Variants in ATXN7L1 observed in about 807,000 individuals in gnomAD.
ATXN7L1 encodes ataxin 7 like 1, also known as ataxin-7-like protein 1.
In ATXN7L1, 15 loss-of-function variants were observed where a neutral mutation model predicts 70.8. That is an observed-to-expected ratio of 0.21 (90% CI 0.14 to 0.33). ATXN7L1 has a LOEUF of 0.33. ATXN7L1 is among the 10% of genes least tolerant of loss of function. The pLI is 1.00. For missense variants in ATXN7L1, 975 were observed against 1,097.1 expected, an observed-to-expected ratio of 0.89 and a Z score of 1.57; for synonymous variants, 440 against 445.1, an observed-to-expected ratio of 0.99 and a Z score of 0.14.
chr7:105,842,013 G>A (rs1031063606), intron 2 of ATXN7L1, among the ~76,000 whole-genome samples: 4 of 152,114 alleles, frequency 2.6e-5, no homozygotes, highest in South Asian at 2.1e-4. Context: ...GAAGTTGCCC[G>A]GCTGGAATGT....
intron 9 of ATXN7L1, among the ~76,000 whole-genome samples, chr7:105,619,827 G>A (rs1794666301): frequency 6.6e-6 from 1 of 151,886 alleles, no homozygotes; most frequent in African/African-American, 2.4e-5. Flanking sequence ...CAAGCGCTGG[G>A]ATTACAGGCG....
intron 3 of ATXN7L1, among the ~76,000 whole-genome samples, chr7:105,682,235 C>A (rs1277036003): frequency 6.6e-6 from 1 of 151,654 alleles, no homozygotes; most frequent in African/African-American, 2.4e-5. Flanking sequence ...AAACAAAAAA[C>A]AAAAAACAAA....
intron 3 of ATXN7L1, among the ~76,000 whole-genome samples, chr7:105,720,814 C>G (rs578051843): frequency 2.0e-5 from 3 of 152,102 alleles, no homozygotes; most frequent in African/African-American, 7.2e-5. Flanking sequence ...TGGGTATCCA[C>G]TGGAAAATTC....
chr7:105,778,871 C>T (rs1179889002), intron 3 of ATXN7L1, among the ~76,000 whole-genome samples: 1 of 152,198 alleles, frequency 6.6e-6, no homozygotes. Context: ...TAAACACATT[C>T]CCTATTACCA....
chr7:105,720,258 C>A (rs1795030541), intron 3 of ATXN7L1, among the ~76,000 whole-genome samples: 2 of 152,170 alleles, frequency 1.3e-5, no homozygotes, highest in South Asian at 4.1e-4. Flanking sequence ...CTGCCTCTTG[C>A]CTACAGTGCT....
intron 3 of ATXN7L1, among the ~76,000 whole-genome samples, chr7:105,778,623 T>C (rs1488363965): frequency 6.6e-6 from 1 of 152,158 alleles, no homozygotes; most frequent in African/African-American, 2.4e-5. Flanking sequence ...GTGTGCTTAT[T>C]TGCAACATTT....
chr7:105,739,156 C>A (rs1447099911), intron 3 of ATXN7L1, among the ~76,000 whole-genome samples: 1 of 152,188 alleles, frequency 6.6e-6, no homozygotes, highest in Non-Finnish European at 1.5e-5. Flanking sequence ...GGAACCATGC[C>A]TTAAGGCCTT....
At chr7:105,863,526 T>C (rs546258961) in intron 2 of ATXN7L1, among the ~76,000 whole-genome samples, 1 of 152,336 alleles carries the variant, frequency 6.6e-6, no homozygotes, top group African/African-American at 2.4e-5. Flanking sequence ...CGTGAGCCCC[T>C]CCTTAAACAG....
At chr7:105,642,129 G>C (rs1231407388) in intron 5 of ATXN7L1, among the ~76,000 whole-genome samples, 1 of 152,154 alleles carries the variant, frequency 6.6e-6, no homozygotes, top group African/African-American at 2.4e-5. Context: ...ACAGCAGATC[G>C]ATCCAAAGCA....
At chr7:105,740,155 CT>C (rs1411232349) in intron 3 of ATXN7L1, among the ~76,000 whole-genome samples, 3 of 152,184 alleles carry the variant, frequency 2.0e-5, no homozygotes, top group Non-Finnish European at 2.9e-5. Context: ...CAGACAATCT[CT>C]GAATCAAGAA....
At chr7:105,797,975 A>G (rs1806243082) in intron 2 of ATXN7L1, among the ~76,000 whole-genome samples, 1 of 152,246 alleles carries the variant, frequency 6.6e-6, no homozygotes, top group African/African-American at 2.4e-5. Context: ...GTTCCCAAGA[A>G]GTTGATTTAT....
At chr7:105,712,983 T>C (rs1403563712) in intron 3 of ATXN7L1, among the ~76,000 whole-genome samples, 1 of 152,182 alleles carries the variant, frequency 6.6e-6, no homozygotes, top group African/African-American at 2.4e-5. Context: ...AGAGGTTTAA[T>C]TGACTCACAG....
chr7:105,675,811 G>C (rs940262796), intron 3 of ATXN7L1, among the ~76,000 whole-genome samples: 4 of 150,996 alleles, frequency 2.6e-5, no homozygotes, highest in Non-Finnish European at 4.4e-5. Flanking sequence ...AGAGAAAGTA[G>C]GTGCCAATAC....
chr7:105,795,757 G>T (rs760863186), intron 2 of ATXN7L1, among the ~76,000 whole-genome samples: 2 of 151,962 alleles, frequency 1.3e-5, no homozygotes, highest in Non-Finnish European at 2.9e-5. Flanking sequence ...AGAATCCCAC[G>T]GTCGGAAAAA....
intron 3 of ATXN7L1, among the ~76,000 whole-genome samples, chr7:105,698,566 G>A (rs894951682): frequency 4.6e-5 from 7 of 152,076 alleles, no homozygotes; most frequent in African/African-American, 1.7e-4. Context: ...GTTTTGCCAT[G>A]CCGCTCATGC....
chr7:105,758,194 A>G (rs1209350315), intron 3 of ATXN7L1, among the ~76,000 whole-genome samples: 3 of 152,148 alleles, frequency 2.0e-5, no homozygotes, highest in Admixed American at 2.0e-4. Context: ...CCCAGCAGTG[A>G]TATGTGAAGG....
intron 3 of ATXN7L1, among the ~76,000 whole-genome samples, chr7:105,707,766 A>C (rs182372469): frequency 1.8e-4 from 27 of 152,328 alleles, no homozygotes; most frequent in African/African-American, 6.5e-4. Flanking sequence ...GCTCTAAAAC[A>C]AGCCCAGGAG....
chr7:105,670,718 C>T (rs1028206084), intron 3 of ATXN7L1, among the ~76,000 whole-genome samples: 17 of 151,704 alleles, frequency 1.1e-4, no homozygotes, highest in Non-Finnish European at 2.2e-4. Flanking sequence ...AATCCCAGCA[C>T]TTTGGGAGGC....
intron 11 of ATXN7L1, 71 bp downstream of exon 11, chr7:105,610,458 G>A (rs940370): frequency 0.99 from 1,323,471 of 1,330,862 alleles, 658,337 homozygotes; most frequent in East Asian, 1. Context: ...TCTGACCCCA[G>A]TGTCCAAACT....
Sources: gnomAD v4.1 joint callset for allele counts (sites outside exome capture counted in the v4.1 genomes callset) on GRCh38, gnomAD v4.1.1 for gene constraint, MANE v1.5 for transcripts, NCBI Gene and HGNC (gene_info 2026-07-23, HGNC 2026-07-21) for gene names.